Variants in DPYSL5 observed in about 807,000 individuals in gnomAD.
DPYSL5 encodes dihydropyrimidinase like 5.
A neutral mutation model predicts 58.4 loss-of-function variants in DPYSL5; 9 were observed. That is an observed-to-expected ratio of 0.15 (90% CI 0.09 to 0.27). DPYSL5 has a LOEUF of 0.27. Ranked by LOEUF, DPYSL5 falls within the 10% of genes least tolerant of loss-of-function variation. DPYSL5 has a pLI of 1.00. For missense variants in DPYSL5, 499 were observed against 770.6 expected (o/e 0.65, Z 4.17); for synonymous variants, 293 against 301.9 (o/e 0.97, Z 0.31).
chr2:26,875,307 C>T lies in DPYSL5; in HGVS notation c.-4-23189C>T, dbSNP rs1445661366. Among the ~76,000 whole-genome samples, 5 of 152,304 alleles carry T rather than the reference C, an allele frequency of 3.3e-5. No homozygotes were observed. In the East Asian group the frequency reaches 9.6e-4, roughly 29 times the overall value. ...CAGAGACAGCAGCCATTGGGTAACC[C>T]AAGTGGGCATGTGGGGTGAAAACAG... On this transcript the variant is annotated intron_variant, in intron 1 of 12. Coordinates refer to ENST00000288699, the MANE Select transcript of DPYSL5 (RefSeq NM_020134.4).
intron 1 of DPYSL5, among the ~76,000 whole-genome samples, chr2:26,850,650 G>C (rs763251485): frequency 3.3e-5 from 5 of 152,102 alleles, no homozygotes; most frequent in African/African-American, 4.8e-5. Context: ...AGAACCTGTT[G>C]GTTCTCTTAA....
intron 6 of DPYSL5, among the ~76,000 whole-genome samples, chr2:26,932,250 T>G (rs1360150166): frequency 6.6e-6 from 1 of 151,462 alleles, no homozygotes. Context: ...ACCTCTACGA[T>G]GCAGCCCCAT....
intron 1 of DPYSL5, among the ~76,000 whole-genome samples, chr2:26,851,534 A>G (rs576475680): frequency 3.3e-5 from 5 of 152,272 alleles, no homozygotes; most frequent in African/African-American, 1.2e-4. Context: ...TGCCATAGCT[A>G]TCTGAGAATT....
In DPYSL5 at chr2:26,898,902, A is replaced by G; in HGVS notation, c.261+142A>G. 9.8e-7 allele frequency: 1 copy of G among 1,021,680 alleles called. No homozygotes were observed. Among genetic ancestry groups the G allele is most frequent in the East Asian group, 2.6e-5 (1 of 38,358 alleles). The allele number at this position is 1,021,680 out of a possible 1,614,324, so 63.3% of individuals were successfully genotyped here. A position where few individuals can be genotyped will look rare whatever the true frequency, so the allele number is the denominator to read the frequency against. ...AAGGGTGTGTCAGGGCCACTGTGGCAACTACAATAGGGATTTCCGGCTTAA... is the reference window on the plus strand; with the variant it reads ...AAGGGTGTGTCAGGGCCACTGTGGCGACTACAATAGGGATTTCCGGCTTAA... On this transcript the variant is annotated intron_variant, in intron 2 of 12. Transcript: ENST00000288699. This position sits in a 1 kb window ranked among gnomAD's most constrained non-coding sequence, Gnocchi z 6.1.
chr2:26,863,507 A>C (rs1257574623), intron 1 of DPYSL5, among the ~76,000 whole-genome samples: 2 of 152,244 alleles, frequency 1.3e-5, no homozygotes, highest in Admixed American at 1.3e-4. Context: ...CCCTGGTACA[A>C]GTTGGAAATA....
chr2:26,933,441 C>G lies in DPYSL5; in HGVS notation c.790+108C>G. The G allele has an allele frequency of 1.0e-6, 1 of 994,392 alleles. No homozygotes were observed. The highest frequency in any genetic ancestry group is 1.6e-6 in the Non-Finnish European group (1 of 644,336). 61.6% of individuals were successfully genotyped at this position (994,392 alleles called of 1,614,324 possible). On this transcript the variant is annotated intron_variant, in intron 7 of 12. Transcript: ENST00000288699. This position sits in a 1 kb window ranked among gnomAD's most constrained non-coding sequence, Gnocchi z 4.2. ...TGGCCCCGGCTCCTGAAACCAGGAC[C>G]TGAGCCAGCCCTTCCCTTTCATCTG...
chr2:26,905,676 G>A lies in DPYSL5; in HGVS notation c.261+6916G>A, dbSNP rs1664270176. Among the ~76,000 whole-genome samples, 1 of 152,156 alleles carries A rather than the reference G, an allele frequency of 6.6e-6. No homozygotes were observed. Among genetic ancestry groups the A allele is most frequent in the South Asian group, 2.1e-4 (1 of 4,822 alleles). On this transcript the variant is annotated intron_variant, in intron 2 of 12. Transcript: ENST00000288699. This position sits in a 1 kb window ranked among gnomAD's most constrained non-coding sequence, Gnocchi z 4.0. ...GTGACTCACCTGTAGGCTGTAAAGAGCCCTGTGAAGGCTTCATGAAGTGAC... is the reference window on the plus strand; with the variant it reads ...GTGACTCACCTGTAGGCTGTAAAGAACCCTGTGAAGGCTTCATGAAGTGAC...
rs371360613 is a variant in DPYSL5 at position 26,940,192 on chromosome 2, G to A, written c.1089+20G>A. The A allele has an allele frequency of 1.3e-5, 21 of 1,611,940 alleles. No homozygotes were observed. Among genetic ancestry groups the A allele is most frequent in the Middle Eastern group, 3.3e-4 (2 of 6,040 alleles). ...GGAGTGGTATGTTTCCTAGAGCCCC[G>A]CCCCGATCTGATCCCTGCTCTAATC... is the stretch of plus-strand genomic sequence containing the variant. On this transcript the variant is annotated intron_variant, in intron 9 of 12. Coordinates refer to ENST00000288699, the MANE Select transcript of DPYSL5 (RefSeq NM_020134.4).
At chr2:26,889,363 G>A (rs762111722) in intron 1 of DPYSL5, among the ~76,000 whole-genome samples, 67 of 151,824 alleles carry the variant, frequency 4.4e-4, no homozygotes, top group South Asian at 1.3e-3. Flanking sequence ...GCTGCCTCCC[G>A]GGTTCACGCC....
Position 26,933,084 on chromosome 2 carries a change from C to T in DPYSL5, c.715-174C>T, listed in dbSNP as rs1244159586. Among the ~76,000 whole-genome samples, 1 of 152,182 alleles carries T rather than the reference C, an allele frequency of 6.6e-6. No individual in the cohort carries two copies. The highest frequency in any genetic ancestry group is 1.5e-5 in the Non-Finnish European group (1 of 68,022). ...TCCCCGTATCATGCAGTTCCTGCAA[C>T]CTTGCCCTGACTGCCAGCCCTGCAT... On this transcript the variant is annotated intron_variant, in intron 6 of 12. Transcript: ENST00000288699. The surrounding 1 kb of genome is among the most constrained non-coding windows in gnomAD (Gnocchi z 4.2).
rs1665509532 is a variant in DPYSL5 at position 26,947,091 on chromosome 2, G to A, written c.*96G>A. ...AGGGGCAGGAGAGGCTGGGCTGGGT[G>A]GCACACCACCCGAGGGGGGCCCCGG... On this transcript the variant is annotated 3_prime_UTR_variant, in exon 13 of 13. Transcript: ENST00000288699. The surrounding 1 kb of genome is among the most constrained non-coding windows in gnomAD (Gnocchi z 4.2). 1.8e-6 allele frequency: 2 copies of A among 1,131,754 alleles called. No homozygotes were observed. Among genetic ancestry groups the A allele is most frequent in the Admixed American group, 2.1e-5 (1 of 48,178 alleles). The allele number at this position is 1,131,754 out of a possible 1,614,324, so 70.1% of individuals were successfully genotyped here.
intron 2 of DPYSL5, among the ~76,000 whole-genome samples, chr2:26,911,301 A>G (rs1162715999): frequency 6.6e-6 from 1 of 151,936 alleles, no homozygotes; most frequent in African/African-American, 2.4e-5. Context: ...ATGTCTTCCA[A>G]CTCTGTTCTT....
rs1440640048 is a variant in DPYSL5, at chr2:26,948,076, CACA to C, written c.*1082_*1084del. On this transcript the variant is annotated 3_prime_UTR_variant, in exon 13 of 13. Coordinates refer to ENST00000288699, the MANE Select transcript of DPYSL5 (RefSeq NM_020134.4). Reference sequence around the variant, plus strand: ...CTTCCCCTGTCTTCACCTGCCACCACACACACACACACACACACACACACACAC... The same window carrying C: ...CTTCCCCTGTCTTCACCTGCCACCACCACACACACACACACACACACACAC... 5.4e-4 allele frequency: 18 copies of C among 33,320 alleles called. No individual in the cohort carries two copies. Among genetic ancestry groups the C allele is most frequent in the Non-Finnish European group, 1.4e-3 (17 of 12,224 alleles). 2.1% of individuals were successfully genotyped at this position (33,320 alleles called of 1,614,324 possible).
intron 1 of DPYSL5, among the ~76,000 whole-genome samples, chr2:26,859,697 A>G (rs1200351050): frequency 6.6e-6 from 1 of 152,328 alleles, no homozygotes; most frequent in African/African-American, 2.4e-5. Context: ...GGCCATTATG[A>G]CAGAAATTAA....
chr2:26,916,165 C>G (rs1434244734), intron 2 of DPYSL5, among the ~76,000 whole-genome samples: 1 of 152,146 alleles, frequency 6.6e-6, no homozygotes, highest in South Asian at 2.1e-4. Flanking sequence ...CGTCTGTCAT[C>G]AAAGCTTGCT....
Position 26,927,533 on chromosome 2 carries a change from A to G in DPYSL5, c.600+101A>G. 1 of 1,441,826 alleles carries G rather than the reference A, an allele frequency of 6.9e-7. No individual in the cohort carries two copies. Among genetic ancestry groups the G allele is most frequent in the Non-Finnish European group, 9.3e-7 (1 of 1,072,604 alleles). 89.3% of individuals were successfully genotyped at this position (1,441,826 alleles called of 1,614,324 possible). A position where few individuals can be genotyped will look rare whatever the true frequency, so the allele number is the denominator to read the frequency against. On this transcript the variant is annotated intron_variant, in intron 4 of 12. Transcript: ENST00000288699. This position sits in a 1 kb window ranked among gnomAD's most constrained non-coding sequence, Gnocchi z 4.3. ...CCGTCACTGATCCCACAGGATTCAG[A>G]CAAAATCAGTTGTTAAAGTGTGAGG...
At chr2:26,943,989 C>T (rs947260877) in intron 11 of DPYSL5, among the ~76,000 whole-genome samples, 4 of 148,974 alleles carry the variant, frequency 2.7e-5, no homozygotes, top group Non-Finnish European at 4.6e-5. Context: ...TGTGGGAGGG[C>T]GCTCTCTAAA....
chr2:26,893,852 C>T (rs926785424), intron 1 of DPYSL5, among the ~76,000 whole-genome samples: 4 of 151,956 alleles, frequency 2.6e-5, no homozygotes, highest in East Asian at 1.9e-4. Context: ...AAATTTACTG[C>T]GTATAAAAGT....
intron 1 of DPYSL5, among the ~76,000 whole-genome samples, chr2:26,871,078 T>C (rs1487884480): frequency 6.6e-6 from 1 of 152,214 alleles, no homozygotes; most frequent in African/African-American, 2.4e-5. Context: ...CAGCAGACCA[T>C]GTTCAGTGGA....
Sources: gnomAD v4.1 joint callset for allele counts (sites outside exome capture counted in the v4.1 genomes callset) on GRCh38, gnomAD v4.1.1 for gene constraint, Gnocchi (gnomAD v3.1) non-coding constraint, MANE v1.5 for transcripts, NCBI Gene and HGNC (gene_info 2026-07-23, HGNC 2026-07-21) for gene names.